ISX: variants seen among roughly 807,000 people sequenced by gnomAD.
ISX encodes intestine-specific homeobox.
A neutral mutation model predicts 16.9 loss-of-function variants in ISX; 15 were observed. That is an observed-to-expected ratio of 0.89 (90% CI 0.59 to 1.36). The LOEUF (loss-of-function observed/expected upper bound fraction) is 1.36, where lower values mean the gene tolerates loss of function less well. ISX is among the 40% of genes most tolerant of loss of function. The probability of loss-of-function intolerance (pLI) is 0.00; values close to 1 mark genes in which losing one functional copy is unlikely to be tolerated. For synonymous variants in ISX, 125 were observed against 119.7 expected (o/e 1.04, Z -0.29); for missense variants, 316 against 306.1 (o/e 1.03, Z -0.24).
At position 35,071,566 on chromosome 22, in the gene ISX, G is replaced by T. The variant is rs370102269; in HGVS notation, c.229+4250G>T. ...TGTGTAATGTCCCTTTCTCTTATAAGGACACCTGTCATTGGATTTAGGGCC... is the reference window on the plus strand; with the variant it reads ...TGTGTAATGTCCCTTTCTCTTATAATGACACCTGTCATTGGATTTAGGGCC... On this transcript the variant is annotated intron_variant, in intron 2 of 4. Transcript: ENST00000404699. Among the ~76,000 whole-genome samples, 18 of 152,164 alleles carry T rather than the reference G, an allele frequency of 1.2e-4. 1 individual carries two copies. Among genetic ancestry groups the T allele is most frequent in the African/African-American group, 4.1e-4 (17 of 41,512 alleles).
rs145954883 is a variant in ISX at position 35,068,165 on chromosome 22, T to C, written c.229+849T>C. Reference sequence around the variant, plus strand: ...ATAAGAAATGGTGAAGCTGGCGATGTCTCAAGGGCCTTGTCAGTCTGACTG... The same window carrying C: ...ATAAGAAATGGTGAAGCTGGCGATGCCTCAAGGGCCTTGTCAGTCTGACTG... On this transcript the variant is annotated intron_variant, in intron 2 of 4. Coordinates refer to ENST00000404699, the MANE Select transcript of ISX (RefSeq NM_001303508.2). Among the ~76,000 whole-genome samples the C allele has an allele frequency of 2.7e-3, 410 of 152,342 alleles. 5 individuals are homozygous for C. The highest frequency in any genetic ancestry group is 8.6e-3 in the African/African-American group (357 of 41,580).
At chr22:35,071,727 T>C (rs955607131) in intron 2 of ISX, among the ~76,000 whole-genome samples, 1 of 152,192 alleles carries the variant, frequency 6.6e-6, no homozygotes, top group African/African-American at 2.4e-5. Flanking sequence ...TTCAGTGCTA[T>C]CTCAGGAGAC....
chr22:35,074,047 C>A (rs1236004916), intron 2 of ISX, among the ~76,000 whole-genome samples: 1 of 152,182 alleles, frequency 6.6e-6, no homozygotes, highest in East Asian at 1.9e-4. Context: ...TGATAAGCAA[C>A]CTTCAGCCGT....
rs185116560 is a variant in ISX, at chr22:35,085,718, G to A, written c.*25G>A. ...GAGATTGGACATGCTCTCCCCAAAT[G>A]AGCCACTTTCCTCTCCAGGTGAAGG... On this transcript the variant is annotated 3_prime_UTR_variant, in exon 5 of 5. Coordinates refer to ENST00000404699, the MANE Select transcript of ISX (RefSeq NM_001303508.2). 555 of 1,613,720 alleles carry A rather than the reference G, an allele frequency of 3.4e-4. 5 individuals are homozygous for A. In the East Asian group the frequency reaches 8.9e-3, roughly 26 times the overall value.
At position 35,086,909 on chromosome 22, in the gene ISX, A is replaced by C. The variant is rs1433431279; in HGVS notation, c.*1216A>C. On this transcript the variant is annotated 3_prime_UTR_variant, in exon 5 of 5. Coordinates refer to ENST00000404699, the MANE Select transcript of ISX (RefSeq NM_001303508.2). ...TGGGAAGCCTGGAATGACCTCTTGCACAAGCCTAAATTCCAGGAATCTTCC... is the reference window on the plus strand; with the variant it reads ...TGGGAAGCCTGGAATGACCTCTTGCCCAAGCCTAAATTCCAGGAATCTTCC... 1 of 152,200 alleles carries C rather than the reference A, an allele frequency of 6.6e-6. No homozygotes were observed. The highest frequency in any genetic ancestry group is 1.9e-4 in the East Asian group (1 of 5,200). The allele number at this position is 152,200 out of a possible 1,614,324, so 9.4% of individuals were successfully genotyped here. A position where few individuals can be genotyped will look rare whatever the true frequency, so the allele number is the denominator to read the frequency against.
At chr22:35,078,845 G>T (rs1468112274) in intron 2 of ISX, among the ~76,000 whole-genome samples, 1 of 152,246 alleles carries the variant, frequency 6.6e-6, no homozygotes, top group Admixed American at 6.5e-5. Flanking sequence ...CAAGCCTGCG[G>T]TGAGTGCTTT....
At chr22:35,072,737 C>T (rs4821350) in intron 2 of ISX, among the ~76,000 whole-genome samples, 21 of 151,652 alleles carry the variant, frequency 1.4e-4, no homozygotes, top group Admixed American at 1.4e-3. Context: ...ATATCTACTG[C>T]GTGCCAGGCA....
chr22:35,082,749 C>A, intron 3 of ISX, 80 bp downstream of exon 3: 1 of 1,465,314 alleles, frequency 6.8e-7, no homozygotes, highest in Non-Finnish European at 9.3e-7. Flanking sequence ...AGGGACTTTT[C>A]GGGTTGCCCC....
At chr22:35,079,538 C>G (rs1281334075) in intron 2 of ISX, among the ~76,000 whole-genome samples, 3 of 152,166 alleles carry the variant, frequency 2.0e-5, no homozygotes, top group Admixed American at 6.5e-5. Context: ...TCCAGGGGCT[C>G]ACAGCCTAGA....
intron 2 of ISX, among the ~76,000 whole-genome samples, chr22:35,069,025 TCTGAAAGCTTGGA>T (rs1928779573): frequency 6.6e-6 from 1 of 152,198 alleles, no homozygotes; most frequent in African/African-American, 2.4e-5. Context: ...ATTCGGCATT[TCTGAAAGCTTGGA>T]GAGGGTCCCA....
chr22:35,080,739 C>T (rs77857727), intron 2 of ISX, among the ~76,000 whole-genome samples: 3 of 23,966 alleles, frequency 1.3e-4, no homozygotes, highest in Non-Finnish European at 3.0e-4. Flanking sequence ...AGTTCAGTTT[C>T]CCCACACTTG....
rs1431992703 is a variant in ISX at position 35,086,519 on chromosome 22, C to T, written c.*826C>T. ...AAGGGACCAGCTGGAAGACTAGCCT[C>T]ACTCTGTCCTCGAAAGCCTGAGCTT... is the stretch of plus-strand genomic sequence containing the variant. On this transcript the variant is annotated 3_prime_UTR_variant, in exon 5 of 5. Coordinates refer to ENST00000404699, the MANE Select transcript of ISX (RefSeq NM_001303508.2). The T allele has an allele frequency of 1.3e-5, 2 of 152,266 alleles. No individual in the cohort carries two copies. Among genetic ancestry groups the T allele is most frequent in the Non-Finnish European group, 2.9e-5 (2 of 68,078 alleles). The allele number at this position is 152,266 out of a possible 1,614,324, so 9.4% of individuals were successfully genotyped here.
intron 2 of ISX, among the ~76,000 whole-genome samples, chr22:35,080,431 C>T (rs994934474): frequency 2.0e-5 from 3 of 151,918 alleles, no homozygotes; most frequent in Non-Finnish European, 4.4e-5. Context: ...ATAATACAAA[C>T]ACATGAACAC....
chr22:35,081,520 C>T (rs1010383971), intron 2 of ISX, among the ~76,000 whole-genome samples: 6 of 152,198 alleles, frequency 3.9e-5, no homozygotes, highest in Non-Finnish European at 8.8e-5. Flanking sequence ...GCTATCAATG[C>T]CTTCTCATAA....
At position 35,066,789 on chromosome 22, in the gene ISX, T is replaced by A; in HGVS notation, c.-299T>A. ...AACCTGGTGATTGTGCAGGCAACTG[T>A]GTCCGAGAAGACCCTTCTCTGGAAG... On this transcript the variant is annotated 5_prime_UTR_variant, in exon 2 of 5. Coordinates refer to ENST00000404699, the MANE Select transcript of ISX (RefSeq NM_001303508.2). The A allele has an allele frequency of 2.9e-6, 1 of 349,962 alleles. No individual in the cohort carries two copies. Among genetic ancestry groups the A allele is most frequent in the African/African-American group, 2.1e-5 (1 of 48,724 alleles). The allele number at this position is 349,962 out of a possible 1,614,324, so 21.7% of individuals were successfully genotyped here.
Position 35,082,500 on chromosome 22 carries a change from G to A in ISX, c.230-18G>A. ...GACACCAAGGCCACTGACACAACTT[G>A]GACCCTCTCCCATGCAGAAGGAAGG... On this transcript the variant is annotated intron_variant, in intron 2 of 4. Coordinates refer to ENST00000404699, the MANE Select transcript of ISX (RefSeq NM_001303508.2). The A allele has an allele frequency of 1.2e-6, 2 of 1,613,020 alleles. No individual in the cohort carries two copies. Among genetic ancestry groups the A allele is most frequent in the Non-Finnish European group, 8.5e-7 (1 of 1,179,188 alleles).
chr22:35,073,244 A>G (rs548074059), intron 2 of ISX, among the ~76,000 whole-genome samples: 1 of 152,276 alleles, frequency 6.6e-6, no homozygotes, highest in Non-Finnish European at 1.5e-5. Context: ...ATGAAGTTGC[A>G]AACCCATCTG....
intron 2 of ISX, among the ~76,000 whole-genome samples, chr22:35,072,871 T>C (rs1928890113): frequency 6.6e-6 from 1 of 152,120 alleles, no homozygotes; most frequent in African/African-American, 2.4e-5. Flanking sequence ...TGGCTCAGGG[T>C]CCCTCATAAG....
rs772654042 is a variant in ISX, at chr22:35,085,609, C to T, written c.654C>T (p.Pro218=). The change falls in exon 5 of 5, where the codon CCC becomes CCT. Residue 218 remains proline (P), a synonymous_variant. Coordinates refer to ENST00000404699, the MANE Select transcript of ISX (RefSeq NM_001303508.2). Reference sequence around the variant, plus strand: ...AAACACAGCCTGTCCCAGGTCTTCCCATCCATCAAACTTGCATCCCTGTGC... The same window carrying T: ...AAACACAGCCTGTCCCAGGTCTTCCTATCCATCAAACTTGCATCCCTGTGC... ...PWETQPVPGL[P]IHQTCIPVLC... 1 of 1,614,134 alleles carries T rather than the reference C, an allele frequency of 6.2e-7. No individual in the cohort carries two copies. Among genetic ancestry groups the T allele is most frequent in the African/African-American group, 1.3e-5 (1 of 74,948 alleles).
Sources: gnomAD v4.1 joint callset for allele counts (sites outside exome capture counted in the v4.1 genomes callset) on GRCh38, gnomAD v4.1.1 for gene constraint, MANE v1.5 for transcripts, NCBI Gene and HGNC (gene_info 2026-07-23, HGNC 2026-07-21) for gene names.